The following SAMD5 variants were observed in gnomAD, a reference collection of about 807,000 sequenced individuals.
SAMD5 encodes the protein sterile alpha motif domain-containing protein 5.
In SAMD5, 13 loss-of-function variants were observed where a neutral mutation model predicts 11.3. That is an observed-to-expected ratio of 1.15 (90% CI 0.75 to 1.83). SAMD5 has a LOEUF of 1.83. SAMD5 is among the 40% of genes most tolerant of loss of function. The pLI, the probability that SAMD5 is intolerant of heterozygous loss-of-function variation, is 0.00. For synonymous variants in SAMD5, 129 were observed against 111.3 expected (o/e 1.16, Z -1.00); for missense variants, 255 against 239.1 (o/e 1.07, Z -0.44).
chr6:147,903,067 G>A, the SAMD5 span, among the ~76,000 whole-genome samples: 1 of 152,216 alleles, frequency 6.6e-6, no homozygotes, highest in African/African-American at 2.4e-5. Flanking sequence ...GTAAGGAGGA[G>A]TGTTAATTAT....
At chr6:147,881,034 G>A in the SAMD5 span, among the ~76,000 whole-genome samples, 2 of 152,074 alleles carry the variant, frequency 1.3e-5, no homozygotes, top group Admixed American at 6.5e-5. Context: ...ACAGGTTTTA[G>A]ATAAGCTGAG....
intron 1 of SAMD5, among the ~76,000 whole-genome samples, chr6:147,579,630 A>ATATT (rs1231351917): frequency 6.6e-6 from 1 of 151,702 alleles, no homozygotes; most frequent in Non-Finnish European, 1.5e-5. Flanking sequence ...GTTAATTTTC[A>ATATT]TATTTATAGT....
At chr6:147,895,994 G>A in the SAMD5 span, among the ~76,000 whole-genome samples, 1 of 152,160 alleles carries the variant, frequency 6.6e-6, no homozygotes, top group African/African-American at 2.4e-5. Context: ...AAGGCAAGAG[G>A]GAGTGTGTTG....
chr6:147,569,894 A>G lies in SAMD5; in HGVS notation c.*5438A>G. On this transcript the variant is annotated 3_prime_UTR_variant, in exon 2 of 2. Coordinates refer to ENST00000367474, the MANE Select transcript of SAMD5 (RefSeq NM_001030060.3). ...TTTCAGTTATTATTTTTTTTAAAGGACGTTATGAGAAGGCACTATGAAAAG... is the reference window on the plus strand; with the variant it reads ...TTTCAGTTATTATTTTTTTTAAAGGGCGTTATGAGAAGGCACTATGAAAAG... 1 of 985,200 alleles carries G rather than the reference A, an allele frequency of 1.0e-6. No individual in the cohort carries two copies. Among genetic ancestry groups the G allele is most frequent in the Non-Finnish European group, 1.2e-6 (1 of 829,802 alleles). 61.0% of individuals were successfully genotyped at this position (985,200 alleles called of 1,614,324 possible).
chr6:147,937,156 C>T, the SAMD5 span, among the ~76,000 whole-genome samples: 5 of 152,168 alleles, frequency 3.3e-5, no homozygotes, highest in Admixed American at 1.3e-4. Context: ...TTTACCCTAT[C>T]AGACAAAGAA....
intron 1 of SAMD5, among the ~76,000 whole-genome samples, chr6:147,517,508 T>C (rs1437274916): frequency 1.2e-5 from 1 of 82,622 alleles, no homozygotes; most frequent in Non-Finnish European, 2.2e-5. Context: ...TTGATGATTT[T>C]TAGTGGAAAT....
At chr6:147,561,399 G>T (rs1788948170) in intron 1 of SAMD5, among the ~76,000 whole-genome samples, 1 of 152,122 alleles carries the variant, frequency 6.6e-6, no homozygotes, top group Non-Finnish European at 1.5e-5. Flanking sequence ...TTTTGGCCAG[G>T]ATGGTCTCGA....
chr6:147,606,531 A>G (rs1301427956), intron 1 of SAMD5, among the ~76,000 whole-genome samples: 1 of 147,632 alleles, frequency 6.8e-6, no homozygotes, highest in African/African-American at 2.5e-5. Context: ...TTTGCTTTTT[A>G]TTTTTATTTA....
At chr6:147,937,728 C>A in the SAMD5 span, among the ~76,000 whole-genome samples, 1 of 152,282 alleles carries the variant, frequency 6.6e-6, no homozygotes, top group Non-Finnish European at 1.5e-5. Flanking sequence ...ATCCTCAGTG[C>A]AAGACTGTGA....
chr6:147,804,915 T>C, the SAMD5 span, among the ~76,000 whole-genome samples: 1 of 152,216 alleles, frequency 6.6e-6, no homozygotes, highest in Non-Finnish European at 1.5e-5. Flanking sequence ...AAAGAAAGAA[T>C]TGTTACAAAC....
At chr6:147,902,888 C>T in the SAMD5 span, among the ~76,000 whole-genome samples, 2 of 152,164 alleles carry the variant, frequency 1.3e-5, no homozygotes, top group Non-Finnish European at 1.5e-5. Flanking sequence ...AAGTCAGAAA[C>T]AGTGCAAAAT....
chr6:147,545,636 T>C (rs1583076322), intron 1 of SAMD5, among the ~76,000 whole-genome samples: 1 of 152,184 alleles, frequency 6.6e-6, no homozygotes, highest in East Asian at 1.9e-4. Flanking sequence ...GAAGGGAGTT[T>C]GTCATTATTC....
chr6:147,794,624 A>G, the SAMD5 span, among the ~76,000 whole-genome samples: 1 of 152,316 alleles, frequency 6.6e-6, no homozygotes, highest in Non-Finnish European at 1.5e-5. Context: ...TATGAATATT[A>G]AGAACTTTTA....
chr6:147,631,976 T>G (rs1455895390), intron 1 of SAMD5, among the ~76,000 whole-genome samples: 1 of 152,122 alleles, frequency 6.6e-6, no homozygotes, highest in African/African-American at 2.4e-5. Context: ...AATGGGGCTA[T>G]GAGGATGGGA....
chr6:147,574,221 T>C (rs1789182209), downstream of SAMD5, among the ~76,000 whole-genome samples: 1 of 152,054 alleles, frequency 6.6e-6, no homozygotes, highest in African/African-American at 2.4e-5. Context: ...AAAATTAATA[T>C]GTGCCCAGGT....
chr6:147,710,153 C>T (rs1199064399), intron 1 of SAMD5, among the ~76,000 whole-genome samples: 1 of 152,182 alleles, frequency 6.6e-6, no homozygotes, highest in East Asian at 1.9e-4. Context: ...AGCTCTCTGA[C>T]ATCTAGATTT....
chr6:147,584,787 C>T (rs1789350828), intron 1 of SAMD5, among the ~76,000 whole-genome samples: 1 of 152,098 alleles, frequency 6.6e-6, no homozygotes, highest in African/African-American at 2.4e-5. Flanking sequence ...TAGATTAGCT[C>T]TGAAAGTTAG....
intron 1 of SAMD5, among the ~76,000 whole-genome samples, chr6:147,732,549 C>T (rs1399908745): frequency 6.6e-6 from 1 of 152,178 alleles, no homozygotes; most frequent in Non-Finnish European, 1.5e-5. Context: ...AGAGCTTGGC[C>T]TGCTCATACA....
the SAMD5 span, among the ~76,000 whole-genome samples, chr6:147,846,328 A>G: frequency 1.3e-5 from 2 of 152,164 alleles, no homozygotes; most frequent in African/African-American, 4.8e-5. Flanking sequence ...CATGTATTTA[A>G]TTAAATTGCA....
Sources: allele counts gnomAD v4.1 joint callset (sites outside exome capture counted in the v4.1 genomes callset), GRCh38; gene constraint gnomAD v4.1.1; transcripts MANE v1.5; gene names NCBI Gene and HGNC (gene_info 2026-07-23, HGNC 2026-07-21).